Variants in IGF2R observed in about 807,000 individuals in gnomAD.
The protein encoded by IGF2R is insulin like growth factor 2 receptor.
In IGF2R, 91 loss-of-function variants were observed where a neutral mutation model predicts 270.6. The ratio of observed to expected loss-of-function variants is 0.34; its 90% CI spans 0.28 to 0.40. The LOEUF is 0.40. Ranked by LOEUF, IGF2R falls within the 10% of genes least tolerant of loss-of-function variation. The pLI is 1.00. For missense variants in IGF2R, 2,805 were observed against 3,188.3 expected, an observed-to-expected ratio of 0.88 and a Z score of 2.90; for synonymous variants, 1,316 against 1,258.9, an observed-to-expected ratio of 1.05 and a Z score of -0.96.
chr6:160,034,495 A>G lies in IGF2R; in HGVS notation c.1288A>G (p.Ile430Val). ...CSSGFQRMSV[I>V]NFECNKTAGN... ...CTCAGGGTTTCAGCGGATGAGCGTC[A>G]TAAACTTTGAGTGCAATAAAACCGC... The change falls in exon 10 of 48, where the codon ATA becomes GTA. Residue 430 changes from isoleucine (I) to valine (V), a missense_variant. Physicochemically the swap from Ile to Val is conservative, Grantham distance 29. This residue lies in a region of IGF2R where 954 missense variants were observed against 981.1 expected (regional missense o/e 0.97). Coordinates refer to ENST00000356956, the MANE Select transcript of IGF2R (RefSeq NM_000876.4). 1.2e-6 allele frequency: 2 copies of G among 1,611,288 alleles called. No individual in the cohort carries two copies. Among genetic ancestry groups the G allele is most frequent in the Non-Finnish European group, 1.7e-6 (2 of 1,177,474 alleles).
At chr6:160,089,306 G>A in intron 43 of IGF2R, 53 bp downstream of exon 43, 1 of 1,512,756 alleles carries the variant, frequency 6.6e-7, no homozygotes, top group Non-Finnish European at 9.1e-7. Context: ...AATTAAACCA[G>A]CAATGCCGCT....
At chr6:159,975,674 T>TTA (rs1365878360) in intron 1 of IGF2R, among the ~76,000 whole-genome samples, 4 of 129,850 alleles carry the variant, frequency 3.1e-5, no homozygotes, top group African/African-American at 1.2e-4. Context: ...CATACATGTA[T>TTA]TATATATATT....
intron 30 of IGF2R, 27 bp from the exon 31 acceptor site, chr6:160,069,841 A>G: frequency 6.2e-7 from 1 of 1,608,846 alleles, no homozygotes; most frequent in South Asian, 1.1e-5. Flanking sequence ...CACTAAAGGC[A>G]ACTCTTTCTT....
At chr6:159,978,269 T>G (rs1783724261) in intron 1 of IGF2R, among the ~76,000 whole-genome samples, 1 of 152,176 alleles carries the variant, frequency 6.6e-6, no homozygotes, top group Admixed American at 6.5e-5. Context: ...ATTCTGCAGT[T>G]CTGAGGTTTG....
chr6:160,080,844 G>A (rs751917636), intron 39 of IGF2R, among the ~76,000 whole-genome samples: 42 of 152,052 alleles, frequency 2.8e-4, no homozygotes, highest in African/African-American at 8.5e-4. Context: ...TTGGCCAGGC[G>A]CGGTGGCTCA....
chr6:159,991,154 C>T, intron 1 of IGF2R, 30 bp from the exon 2 acceptor site: 1 of 1,580,456 alleles, frequency 6.3e-7, no homozygotes, highest in African/African-American at 1.4e-5. Context: ...AAATCAGTGA[C>T]ATTGACAAGT....
intron 27 of IGF2R, 63 bp downstream of exon 27, chr6:160,063,693 TGCTG>T: frequency 3.9e-6 from 5 of 1,294,762 alleles, no homozygotes; most frequent in Non-Finnish European, 5.4e-6. Context: ...TAAAATATTT[TGCTG>T]AAGATGAATT....
intron 11 of IGF2R, among the ~76,000 whole-genome samples, chr6:160,041,838 T>C (rs1438231724): frequency 6.6e-6 from 1 of 152,110 alleles, no homozygotes; most frequent in Non-Finnish European, 1.5e-5. Context: ...GTGAAGACAT[T>C]GGTTTTCTGT....
At chr6:160,074,739 A>G (rs1373409251) in intron 35 of IGF2R, among the ~76,000 whole-genome samples, 1 of 152,216 alleles carries the variant, frequency 6.6e-6, no homozygotes, top group East Asian at 1.9e-4. Flanking sequence ...ATCCTCTTGT[A>G]ACATATCTAG....
rs986088933 is a variant in IGF2R, at chr6:160,107,776, C to T, written c.*2692C>T. The T allele has an allele frequency of 2.0e-5, 3 of 152,184 alleles. No individual in the cohort carries two copies. The highest frequency in any genetic ancestry group is 2.4e-5 in the African/African-American group (1 of 41,438). The allele number at this position is 152,184 out of a possible 1,614,324, so 9.4% of individuals were successfully genotyped here. A position where few individuals can be genotyped will look rare whatever the true frequency, so the allele number is the denominator to read the frequency against. On this transcript the variant is annotated 3_prime_UTR_variant, in exon 48 of 48. Transcript: ENST00000356956. ...GTACTTCACCAACCCTAAAATAATACGTAACACGAGATGATTCCTCAGGAA... is the reference window on the plus strand; with the variant it reads ...GTACTTCACCAACCCTAAAATAATATGTAACACGAGATGATTCCTCAGGAA...
intron 37 of IGF2R, among the ~76,000 whole-genome samples, chr6:160,078,601 T>C (rs746496538): frequency 7.9e-5 from 12 of 152,190 alleles, no homozygotes; most frequent in Non-Finnish European, 1.8e-4. Flanking sequence ...ACTTAACGCT[T>C]TTTGATGATA....
At chr6:160,078,414 G>A in intron 37 of IGF2R, 52 bp downstream of exon 37, 1 of 1,553,912 alleles carries the variant, frequency 6.4e-7, no homozygotes, top group Non-Finnish European at 8.8e-7. Flanking sequence ...GGTGCCAGGT[G>A]CTGTGAGGCT....
Position 160,063,519 on chromosome 6 carries a change from T to A in IGF2R, c.3775T>A (p.Phe1259Ile). Residue 1259 changes from phenylalanine to isoleucine, a missense_variant, in exon 27 of 48, where the codon TTC becomes ATC. Phe to Ile is a conservative substitution (Grantham distance 21). Around this residue, in one of 2 missense-constraint regions of IGF2R, gnomAD observed 1,851 missense variants for 2,207.2 expected, o/e 0.84. Transcript: ENST00000356956. ...GAGCGCTGGCGAATACACTTATTAC[T>A]TCCGGGTCTGTGGGAAGCTTTCCTC... ...IVSAGEYTYY[F>I]RVCGKLSSDV... 1 of 1,614,178 alleles carries A rather than the reference T, an allele frequency of 6.2e-7. No individual in the cohort carries two copies. Among genetic ancestry groups the A allele is most frequent in the Non-Finnish European group, 8.5e-7 (1 of 1,180,032 alleles).
rs1166412478 is a variant in IGF2R, at chr6:160,105,281, A to C, written c.*197A>C. 7.0e-6 allele frequency: 4 copies of C among 570,756 alleles called. No homozygotes were observed. The East Asian group carries it at 1.2e-4, about 17-fold the overall frequency. 35.4% of individuals were successfully genotyped at this position (570,756 alleles called of 1,614,324 possible). On this transcript the variant is annotated 3_prime_UTR_variant, in exon 48 of 48. Coordinates refer to ENST00000356956, the MANE Select transcript of IGF2R (RefSeq NM_000876.4). ...CTGATTGTTTACAGTCATTGGAATA[A>C]GGCATGGCTCAGATCGGCCACAGGG... is the stretch of plus-strand genomic sequence containing the variant.
At chr6:160,035,467 C>T (rs781153648) in intron 10 of IGF2R, among the ~76,000 whole-genome samples, 8 of 152,200 alleles carry the variant, frequency 5.3e-5, no homozygotes, top group Non-Finnish European at 1.0e-4. Context: ...CCTGGTAGCA[C>T]CGCACCCCTG....
chr6:160,017,122 A>G (rs764135423), intron 4 of IGF2R, among the ~76,000 whole-genome samples: 15 of 152,250 alleles, frequency 9.9e-5, no homozygotes, highest in Non-Finnish European at 1.8e-4. Flanking sequence ...AAGAGATCAG[A>G]ATATCAATCC....
intron 36 of IGF2R, among the ~76,000 whole-genome samples, chr6:160,077,862 G>T (rs1391020917): frequency 2.0e-5 from 3 of 152,220 alleles, no homozygotes; most frequent in Non-Finnish European, 4.4e-5. Context: ...TGGAGCACTT[G>T]TGAGGCAGGG....
intron 36 of IGF2R, among the ~76,000 whole-genome samples, chr6:160,076,495 C>T (rs1462706344): frequency 6.6e-6 from 1 of 152,176 alleles, no homozygotes; most frequent in Non-Finnish European, 1.5e-5. Context: ...ATACCAGCTT[C>T]CATTATAATG....
chr6:160,067,821 G>C (rs1778617102), intron 29 of IGF2R, among the ~76,000 whole-genome samples: 1 of 152,210 alleles, frequency 6.6e-6, no homozygotes. Context: ...TGGCGGCCTT[G>C]GTTTTAAACA....
Sources: gnomAD v4.1 joint callset for allele counts (sites outside exome capture counted in the v4.1 genomes callset) on GRCh38, gnomAD v4.1.1 for gene constraint, gnomAD v4.1.1 regional missense constraint, MANE v1.5 for transcripts, NCBI Gene and HGNC (gene_info 2026-07-23, HGNC 2026-07-21) for gene names.